Variants in CACNA2D3 observed in about 807,000 individuals in gnomAD.
CACNA2D3 encodes calcium voltage-gated channel auxiliary subunit alpha2delta 3.
CACNA2D3 carries 60 observed loss-of-function variants against 160.6 expected under a neutral mutation model. The ratio of observed to expected loss-of-function variants is 0.37; its 90% CI spans 0.30 to 0.46. CACNA2D3 has a LOEUF of 0.46. CACNA2D3 is among the 20% of genes least tolerant of loss of function. The probability of loss-of-function intolerance (pLI) is 1.00; values close to 1 mark genes in which losing one functional copy is unlikely to be tolerated. For missense variants in CACNA2D3, 1,205 were observed against 1,365.0 expected, an observed-to-expected ratio of 0.88 and a Z score of 1.85; for synonymous variants, 558 against 492.9, an observed-to-expected ratio of 1.13 and a Z score of -1.75.
chr3:54,252,346 A>G (rs1337595593), intron 2 of CACNA2D3, among the ~76,000 whole-genome samples: 1 of 151,894 alleles, frequency 6.6e-6, no homozygotes, highest in Non-Finnish European at 1.5e-5. Context: ...CAGCAGCCCA[A>G]CTCATTACAG....
At chr3:54,523,380 C>T (rs1701677216) in intron 5 of CACNA2D3, among the ~76,000 whole-genome samples, 1 of 152,028 alleles carries the variant, frequency 6.6e-6, no homozygotes, top group South Asian at 2.1e-4. Context: ...ACCTTGCATT[C>T]TAGGGATAAA....
intron 11 of CACNA2D3, among the ~76,000 whole-genome samples, chr3:54,725,335 C>T (rs1385402522): frequency 6.6e-6 from 1 of 152,156 alleles, no homozygotes; most frequent in Non-Finnish European, 1.5e-5. Flanking sequence ...ACCAGAGGTA[C>T]AAAGAGGAGC....
chr3:54,290,922 G>A (rs1703182592), intron 2 of CACNA2D3, among the ~76,000 whole-genome samples: 1 of 152,006 alleles, frequency 6.6e-6, no homozygotes. Context: ...GGTAGCGGGG[G>A]GTGAGGGATA....
intron 5 of CACNA2D3, among the ~76,000 whole-genome samples, chr3:54,518,275 AG>A (rs1701586924): frequency 6.6e-6 from 1 of 152,162 alleles, no homozygotes; most frequent in African/African-American, 2.4e-5. Context: ...GAGTTCCGTA[AG>A]GCCTGATACC....
At chr3:54,302,464 G>A (rs573540135) in intron 2 of CACNA2D3, among the ~76,000 whole-genome samples, 3 of 152,152 alleles carry the variant, frequency 2.0e-5, no homozygotes, top group African/African-American at 7.2e-5. Flanking sequence ...GGAAAAATTC[G>A]GCAAGGTCCC....
intron 4 of CACNA2D3, among the ~76,000 whole-genome samples, chr3:54,464,655 C>G (rs896561233): frequency 2.0e-5 from 3 of 152,216 alleles, no homozygotes; most frequent in Non-Finnish European, 2.9e-5. Flanking sequence ...GGGAGTGACC[C>G]AATTTTCCAA....
At chr3:54,562,176 A>G (rs1394178012) in intron 5 of CACNA2D3, among the ~76,000 whole-genome samples, 1 of 152,146 alleles carries the variant, frequency 6.6e-6, no homozygotes, top group Non-Finnish European at 1.5e-5. Flanking sequence ...CTGTTCCTCT[A>G]CAAGAGTTTT....
intron 13 of CACNA2D3, among the ~76,000 whole-genome samples, chr3:54,785,511 A>G (rs981234558): frequency 1.3e-5 from 2 of 152,114 alleles, no homozygotes; most frequent in Admixed American, 1.3e-4. Context: ...ATGGGAACAG[A>G]TCTCTTATGT....
At chr3:54,442,936 C>A (rs1700166620) in intron 4 of CACNA2D3, among the ~76,000 whole-genome samples, 1 of 152,112 alleles carries the variant, frequency 6.6e-6, no homozygotes, top group Non-Finnish European at 1.5e-5. Flanking sequence ...GCTTATGAAA[C>A]CCATTCCACC....
chr3:54,275,157 G>C (rs1037866021), intron 2 of CACNA2D3, among the ~76,000 whole-genome samples: 1 of 152,190 alleles, frequency 6.6e-6, no homozygotes, highest in Non-Finnish European at 1.5e-5. Context: ...TCTTGTGCCT[G>C]ATGGGCACTC....
intron 27 of CACNA2D3, among the ~76,000 whole-genome samples, chr3:54,914,969 C>A (rs923069137): frequency 6.6e-6 from 1 of 151,994 alleles, no homozygotes; most frequent in African/African-American, 2.4e-5. Flanking sequence ...ATTAGTTTAA[C>A]CACTTCCTTT....
At chr3:54,413,436 A>G (rs1699704812) in intron 4 of CACNA2D3, among the ~76,000 whole-genome samples, 1 of 148,112 alleles carries the variant, frequency 6.8e-6, no homozygotes, top group African/African-American at 2.4e-5. Flanking sequence ...ATATATATAT[A>G]TATCTGCTTG....
At chr3:54,416,704 T>C (rs1235050813) in intron 4 of CACNA2D3, among the ~76,000 whole-genome samples, 1 of 152,218 alleles carries the variant, frequency 6.6e-6, no homozygotes, top group Non-Finnish European at 1.5e-5. Context: ...TTGTTGTTAC[T>C]TATAATAAAT....
At chr3:54,673,410 C>T (rs1461245712) in intron 11 of CACNA2D3, among the ~76,000 whole-genome samples, 1 of 152,110 alleles carries the variant, frequency 6.6e-6, no homozygotes, top group Non-Finnish European at 1.5e-5. Context: ...GTCATTCTTC[C>T]CAAACTTATC....
In CACNA2D3 at chr3:54,896,944, G is replaced by A. The variant is rs1700204594; in HGVS notation, c.2368+74G>A. On this transcript the variant is annotated intron_variant, in intron 26 of 37. Transcript: ENST00000474759. Reference sequence around the variant, plus strand: ...CTGGGCATTGTGTGCAGGGTGTTGGGGAGCTGCCTGAATGCTGAAAGGAAC... The same window carrying A: ...CTGGGCATTGTGTGCAGGGTGTTGGAGAGCTGCCTGAATGCTGAAAGGAAC... 8 of 1,591,082 alleles carry A rather than the reference G, an allele frequency of 5.0e-6. No homozygotes were observed. In the East Asian group the frequency reaches 1.8e-4, roughly 36 times the overall value.
chr3:54,771,430 A>G (rs1183874308), intron 13 of CACNA2D3, among the ~76,000 whole-genome samples: 2 of 152,196 alleles, frequency 1.3e-5, no homozygotes, highest in Non-Finnish European at 2.9e-5. Context: ...CGTTGGCTGC[A>G]CTGCAGGTCT....
chr3:55,002,193 C>T (rs1702993747), intron 31 of CACNA2D3, among the ~76,000 whole-genome samples: 3 of 151,506 alleles, frequency 2.0e-5, no homozygotes, highest in South Asian at 2.1e-4. Context: ...CCTGTATATA[C>T]GACAGGACCA....
chr3:54,500,430 A>G (rs190700770), intron 4 of CACNA2D3, among the ~76,000 whole-genome samples: 15 of 151,420 alleles, frequency 9.9e-5, no homozygotes, highest in Admixed American at 7.9e-4. Flanking sequence ...TATATGTACC[A>G]TATTTGTAAC....
At chr3:54,146,278 C>T (rs903532258) in intron 2 of CACNA2D3, among the ~76,000 whole-genome samples, 1 of 152,184 alleles carries the variant, frequency 6.6e-6, no homozygotes, top group African/African-American at 2.4e-5. Context: ...TGGCTAACTT[C>T]CTTCCAGTCT....
Sources: allele counts gnomAD v4.1 joint callset (sites outside exome capture counted in the v4.1 genomes callset), GRCh38; gene constraint gnomAD v4.1.1; transcripts MANE v1.5; gene names NCBI Gene and HGNC (gene_info 2026-07-23, HGNC 2026-07-21).